ZNF142: variants seen among roughly 807,000 people sequenced by gnomAD.
ZNF142 encodes the protein zinc finger protein 142.
In ZNF142, 96 loss-of-function variants were observed where a neutral mutation model predicts 132.1. The observed-to-expected ratio is 0.73, with a 90% CI of 0.62 to 0.86. ZNF142 has a LOEUF of 0.86. Among genes scored for constraint, ZNF142 ranks in the 40% least tolerant of loss-of-function variants. The pLI is 0.00. For synonymous variants in ZNF142, 842 were observed against 890.1 expected (o/e 0.95, Z 0.96); for missense variants, 2,163 against 2,336.2 (o/e 0.93, Z 1.53).
rs200060838 is a variant in ZNF142, at chr2:218,643,894, G to A, written c.3222C>T (p.Ser1074=). ...EPLLCPECGA[S]FKQQRGLSTH... is the part of the protein sequence containing the mutation. ...TGCTGAGGCCGCGTTGTTGCTTGAAGCTAGCCCCACACTCGGGGCACAGCA... is the reference window on the plus strand; with the variant it reads ...TGCTGAGGCCGCGTTGTTGCTTGAAACTAGCCCCACACTCGGGGCACAGCA... Residue 1074 remains serine (S), a synonymous_variant, in exon 9 of 11, where the codon AGC becomes AGT. Coordinates refer to ENST00000411696, the MANE Select transcript of ZNF142 (RefSeq NM_001379659.1). 3.1e-6 allele frequency: 5 copies of A among 1,614,066 alleles called. No individual in the cohort carries two copies. Among genetic ancestry groups the A allele is most frequent in the South Asian group, 1.1e-5 (1 of 91,092 alleles).
chr2:218,646,003 C>T lies in ZNF142; in HGVS notation c.2051+168G>A, dbSNP rs1559295968. Among the ~76,000 whole-genome samples the T allele has an allele frequency of 1.3e-5, 2 of 152,182 alleles. 1 individual carries two copies. Among genetic ancestry groups the T allele is most frequent in the South Asian group, 4.1e-4 (2 of 4,830 alleles). ...CCCAAGCTCAAGCAATTTGCCCGCC[C>T]CGGCCTCTCAAAGTGCTGGGATTAC... On this transcript the variant is annotated intron_variant, in intron 8 of 10. Transcript: ENST00000411696.
Position 218,644,622 on chromosome 2 carries a change from G to T in ZNF142, c.2494C>A (p.Gln832Lys), listed in dbSNP as rs981342963. Residue 832 changes from glutamine (Q) to lysine (K), a missense_variant, in exon 9 of 11, where the codon CAG becomes AAG. Gln to Lys is a moderately conservative substitution (Grantham distance 53, BLOSUM62 1). Transcript: ENST00000411696. This position sits in a 1 kb window ranked among gnomAD's most constrained non-coding sequence, Gnocchi z 4.6. ...TPPPDSEPSN[Q>K]LSARPEGPGH... ...GGCCCCTCAGGTCGGGCTGACAGCT[G>T]GTTTGAGGGCTCTGAATCTGGTGGG... is the stretch of plus-strand genomic sequence containing the variant. 7 of 1,614,254 alleles carry T rather than the reference G, an allele frequency of 4.3e-6. No individual in the cohort carries two copies. The highest frequency in any genetic ancestry group is 3.3e-5 in the Admixed American group (2 of 60,036).
chr2:218,636,547 C>G lies in ZNF142; in HGVS notation c.*1792G>C, dbSNP rs1380193867. On this transcript the variant is annotated 3_prime_UTR_variant, in exon 11 of 11. Coordinates refer to ENST00000411696, the MANE Select transcript of ZNF142 (RefSeq NM_001379659.1). The stretch of plus-strand genomic sequence containing the variant: ...CTTCCATCTTTGTGTATATCTGCAT[C>G]CAGGAAGGCCTGGAGGGGGATGAGT... 8.1e-6 allele frequency: 13 copies of G among 1,613,988 alleles called. No individual in the cohort carries two copies. In the East Asian group the frequency reaches 2.9e-4, roughly 36 times the overall value.
chr2:218,644,361 C>T lies in ZNF142; in HGVS notation c.2755G>A (p.Ala919Thr). 3.1e-6 allele frequency: 5 copies of T among 1,614,128 alleles called. No homozygotes were observed. Among genetic ancestry groups the T allele is most frequent in the Non-Finnish European group, 4.2e-6 (5 of 1,180,010 alleles). ...EPPLEEVTET[A>T]PMEFRPLGLE... ...CCCAGGGGCCTGAACTCCATAGGGG[C>T]TGTTTCAGTGACCTCCTCAAGGGGT... The change falls in exon 9 of 11, where the codon GCC becomes ACC. Residue 919 changes from alanine (A) to threonine (T), a missense_variant. Transcript: ENST00000411696. This position sits in a 1 kb window ranked among gnomAD's most constrained non-coding sequence, Gnocchi z 4.6.
Position 218,649,000 on chromosome 2 carries a change from A to C in ZNF142, c.1508T>G (p.Phe503Cys). 5 of 1,612,320 alleles carry C rather than the reference A, an allele frequency of 3.1e-6. No individual in the cohort carries two copies. Among genetic ancestry groups the C allele is most frequent in the South Asian group, 1.1e-5 (1 of 91,088 alleles). The change falls in exon 7 of 11, where the codon TTC becomes TGC. Residue 503 changes from phenylalanine (F) to cysteine (C), a missense_variant. Around this residue, in one of 7 missense-constraint regions of ZNF142, gnomAD observed 749 missense variants for 830.3 expected, o/e 0.90. Transcript: ENST00000411696. ...CSYAAPDRKA[F>C]IKHLKETHGV... is the part of the protein sequence containing the mutation. ...ATGGGTCTCCTTCAGGTGCTTAATG[A>C]AGGCCTTGCGGTCGGGTGCTGCATA...
At chr2:218,654,877 G>C (rs1400304671) in intron 4 of ZNF142, among the ~76,000 whole-genome samples, 2 of 152,050 alleles carry the variant, frequency 1.3e-5, no homozygotes, top group African/African-American at 2.4e-5. Flanking sequence ...TTGAGCCCAG[G>C]AGTTCAAGAC....
intron 8 of ZNF142, among the ~76,000 whole-genome samples, chr2:218,645,305 C>T (rs1227041317): frequency 6.6e-6 from 1 of 152,174 alleles, no homozygotes; most frequent in Non-Finnish European, 1.5e-5. Context: ...GGAGCAGAGA[C>T]AGCCTAGCTT....
rs752917093 is a variant in ZNF142 at position 218,644,366 on chromosome 2, T to A, written c.2750A>T (p.Glu917Val). 1.2e-6 allele frequency: 2 copies of A among 1,614,078 alleles called. No homozygotes were observed. Among genetic ancestry groups the A allele is most frequent in the Non-Finnish European group, 1.7e-6 (2 of 1,179,998 alleles). Residue 917 changes from glutamate (E) to valine (V), a missense_variant, in exon 9 of 11, where the codon GAA (glutamate) becomes GTA (valine). By Grantham distance (121) the Glu-to-Val change is moderately radical (BLOSUM62 -2). Transcript: ENST00000411696. The surrounding 1 kb of genome is among the most constrained non-coding windows in gnomAD (Gnocchi z 4.6). The stretch of plus-strand genomic sequence containing the variant: ...GGGCCTGAACTCCATAGGGGCTGTT[T>A]CAGTGACCTCCTCAAGGGGTGGCTC... ...VTEPPLEEVT[E>V]TAPMEFRPLG... is the part of the protein sequence containing the mutation.
At position 218,644,608 on chromosome 2, in the gene ZNF142, T is replaced by C; in HGVS notation, c.2508A>G (p.Arg836=). 2 of 1,614,102 alleles carry C rather than the reference T, an allele frequency of 1.2e-6. No homozygotes were observed. Among genetic ancestry groups the C allele is most frequent in the Non-Finnish European group, 1.7e-6 (2 of 1,180,022 alleles). ...CAGGTTCGTGACCTGGCCCCTCAGG[T>C]CGGGCTGACAGCTGGTTTGAGGGCT... ...DSEPSNQLSA[R]PEGPGHEPGT... is the part of the protein sequence containing the mutation. The change falls in exon 9 of 11, where the codon CGA becomes CGG. Residue 836 remains arginine, a synonymous_variant. Transcript: ENST00000411696. The surrounding 1 kb of genome is among the most constrained non-coding windows in gnomAD (Gnocchi z 4.6).
At position 218,635,840 on chromosome 2, in the gene ZNF142, G is replaced by A. The variant is rs757585916; in HGVS notation, c.*2499C>T. On this transcript the variant is annotated 3_prime_UTR_variant, in exon 11 of 11. Coordinates refer to ENST00000411696, the MANE Select transcript of ZNF142 (RefSeq NM_001379659.1). ...TCCCCAAAGTGGACAAGACCAAAGA[G>A]GGGTCCATTGTGGATCCACTGGTGA... 1 of 1,613,890 alleles carries A rather than the reference G, an allele frequency of 6.2e-7. No homozygotes were observed. Among genetic ancestry groups the A allele is most frequent in the South Asian group, 1.1e-5 (1 of 91,044 alleles).
chr2:218,640,061 CAAAAAAAAAAAA>C (rs35136548), intron 10 of ZNF142, among the ~76,000 whole-genome samples: 37 of 44,332 alleles, frequency 8.3e-4, no homozygotes, highest in African/African-American at 2.1e-3. Context: ...GACTCTGTCT[CAAAAAAAAAAAA>C]AAAAAAAAAA....
At chr2:218,641,834 A>T (rs954903331) in intron 9 of ZNF142, among the ~76,000 whole-genome samples, 194 bp downstream of exon 9, 7 of 152,316 alleles carry the variant, frequency 4.6e-5, no homozygotes, top group Admixed American at 4.6e-4. Context: ...ACATTATGGA[A>T]CTTTATCTTT....
rs752873137 is a variant in ZNF142 at position 218,656,182 on chromosome 2, G to A, written c.248C>T (p.Thr83Ile). 3.7e-5 allele frequency: 59 copies of A among 1,607,018 alleles called. 1 individual carries two copies. The South Asian group carries it at 6.5e-4, about 18-fold the overall frequency. ...MEIIVETVAG[T>I]LTPGAPGETP... ...CTCTCCAGGAGCACCTGGGGTCAGGGTTCCAGCTACTGTCTCCACAATGAT... is the reference window on the plus strand; with the variant it reads ...CTCTCCAGGAGCACCTGGGGTCAGGATTCCAGCTACTGTCTCCACAATGAT... Residue 83 changes from threonine (T) to isoleucine (I), a missense_variant, in exon 4 of 11, where the codon ACC (threonine) becomes ATC (isoleucine). Physicochemically the swap from Thr to Ile is moderately conservative, Grantham distance 89 (BLOSUM62 -1). Around this residue, in one of 7 missense-constraint regions of ZNF142, gnomAD observed 195 missense variants for 172.4 expected, o/e 1.13. Coordinates refer to ENST00000411696, the MANE Select transcript of ZNF142 (RefSeq NM_001379659.1).
rs1321457511 is a variant in ZNF142 at position 218,644,170 on chromosome 2, G to A, written c.2946C>T (p.Thr982=). 4 of 1,614,118 alleles carry A rather than the reference G, an allele frequency of 2.5e-6. No individual in the cohort carries two copies. Among genetic ancestry groups the A allele is most frequent in the Admixed American group, 3.3e-5 (2 of 60,022 alleles). ...TCTCAGCAGGTGGAGTTGTCTTGAA[G>A]GTTCCTACCCAGTTGTTAGGAGCCT... ...LEEAPNNWVG[T]FKTTPPAETA... is the part of the protein sequence containing the mutation. Residue 982 remains threonine (T), a synonymous_variant, in exon 9 of 11, where the codon ACC becomes ACT. Transcript: ENST00000411696. This position sits in a 1 kb window ranked among gnomAD's most constrained non-coding sequence, Gnocchi z 4.6.
chr2:218,649,936 G>C (rs1010921347), intron 6 of ZNF142, among the ~76,000 whole-genome samples: 3 of 152,196 alleles, frequency 2.0e-5, no homozygotes, highest in African/African-American at 4.8e-5. Context: ...TTATTCACTT[G>C]ATAACTATGC....
rs776760670 is a variant in ZNF142 at position 218,643,669 on chromosome 2, T to C, written c.3447A>G (p.Pro1149=). The C allele has an allele frequency of 3.2e-6, 5 of 1,552,878 alleles. No homozygotes were observed. Among genetic ancestry groups the C allele is most frequent in the Non-Finnish European group, 4.3e-6 (5 of 1,153,998 alleles). ...TGGCAAGAGGCTCTTCTGTTTCTTC[T>C]GGCTCCCTGGGAAGCTCCAAAGGAG... ...KDAPLELPRE[P]EETEEPLATV... The change falls in exon 9 of 11, where the codon CCA becomes CCG. Residue 1149 remains proline, a synonymous_variant. Coordinates refer to ENST00000411696, the MANE Select transcript of ZNF142 (RefSeq NM_001379659.1).
In ZNF142 at chr2:218,644,678, T is replaced by C; in HGVS notation, c.2438A>G (p.Glu813Gly). The stretch of plus-strand genomic sequence containing the variant: ...TGGGCCCTGCATGGCCCCTTCTGGC[T>C]CCTGGCTTGCATAGCGGAGCTGCCA... ...QAWQLRYASQ[E>G]PEGAMQGPTP... Residue 813 changes from glutamate (E) to glycine (G), a missense_variant, in exon 9 of 11, where the codon GAG becomes GGG. By Grantham distance (98) the Glu-to-Gly change is moderately conservative (BLOSUM62 -2). Coordinates refer to ENST00000411696, the MANE Select transcript of ZNF142 (RefSeq NM_001379659.1). This position sits in a 1 kb window ranked among gnomAD's most constrained non-coding sequence, Gnocchi z 4.6. The C allele has an allele frequency of 6.2e-7, 1 of 1,614,228 alleles. No individual in the cohort carries two copies. The highest frequency in any genetic ancestry group is 2.2e-5 in the East Asian group (1 of 44,888).
Position 218,649,241 on chromosome 2 carries a change from G to T in ZNF142, c.1267C>A (p.Leu423Met). The change falls in exon 7 of 11, where the codon CTG becomes ATG. Residue 423 changes from leucine to methionine, a missense_variant. Leu to Met is a conservative substitution (Grantham distance 15). Around this residue, in one of 7 missense-constraint regions of ZNF142, gnomAD observed 749 missense variants for 830.3 expected, o/e 0.90. Transcript: ENST00000411696. Reference sequence around the variant, plus strand: ...CTCTCCACCGCACTGTAGTGGCACAGTGGGCAGTGGTGGGCCTTTTCACCC... The same window carrying T: ...CTCTCCACCGCACTGTAGTGGCACATTGGGCAGTGGTGGGCCTTTTCACCC... ...ELGEKAHHCP[L>M]CHYSAVERNA... 1 of 1,614,268 alleles carries T rather than the reference G, an allele frequency of 6.2e-7. No individual in the cohort carries two copies. Among genetic ancestry groups the T allele is most frequent in the Non-Finnish European group, 8.5e-7 (1 of 1,180,042 alleles).
chr2:218,639,033 G>C (rs922760675), intron 10 of ZNF142, among the ~76,000 whole-genome samples: 4 of 152,192 alleles, frequency 2.6e-5, no homozygotes, highest in Admixed American at 1.3e-4. Flanking sequence ...GTGCAATGGT[G>C]CAATCTCGGC....
Sources: gnomAD v4.1 joint callset for allele counts (sites outside exome capture counted in the v4.1 genomes callset) on GRCh38, gnomAD v4.1.1 for gene constraint, gnomAD v4.1.1 regional missense constraint, Gnocchi (gnomAD v3.1) non-coding constraint, MANE v1.5 for transcripts, NCBI Gene and HGNC (gene_info 2026-07-23, HGNC 2026-07-21) for gene names.